SLC12A2: variants seen among roughly 807,000 people sequenced by gnomAD.
The protein encoded by SLC12A2 is Na-K-2Cl cotransporter 1.
In SLC12A2, 67 loss-of-function variants were observed where a neutral mutation model predicts 136.3. That is an observed-to-expected ratio of 0.49 (90% CI 0.40 to 0.60). The LOEUF (loss-of-function observed/expected upper bound fraction) is 0.60. Ranked by LOEUF, SLC12A2 falls within the 20% of genes least tolerant of loss-of-function variation. SLC12A2 has a pLI of 0.00. For missense variants in SLC12A2, 1,322 were observed against 1,534.7 expected (o/e 0.86, Z 2.32); for synonymous variants, 619 against 562.9 (o/e 1.10, Z -1.41).
intron 20 of SLC12A2, among the ~76,000 whole-genome samples, chr5:128,174,981 A>G (rs1763495699): frequency 1.3e-5 from 2 of 152,090 alleles, no homozygotes; most frequent in East Asian, 1.9e-4. Flanking sequence ...TGGAAAGAAC[A>G]TGGTAATTTT....
chr5:128,154,934 A>G (rs909894878), intron 15 of SLC12A2, among the ~76,000 whole-genome samples: 16 of 151,840 alleles, frequency 1.1e-4, no homozygotes, highest in Admixed American at 1.1e-3. Context: ...TCTTTCCTTA[A>G]GAACTTTCAC....
intron 1 of SLC12A2, among the ~76,000 whole-genome samples, chr5:128,106,915 G>A (rs1364618587): frequency 6.6e-6 from 1 of 151,906 alleles, no homozygotes; most frequent in Non-Finnish European, 1.5e-5. Flanking sequence ...AACACAGATG[G>A]GAAGAGAGAT....
chr5:128,117,061 A>T (rs1054699531), intron 4 of SLC12A2, among the ~76,000 whole-genome samples: 16 of 152,300 alleles, frequency 1.1e-4, no homozygotes, highest in Admixed American at 8.5e-4. Context: ...CATTAAAGTG[A>T]CCTATAATAA....
intron 25 of SLC12A2, 68 bp from the exon 26 acceptor site, chr5:128,184,721 A>G (rs761879422): frequency 3.7e-6 from 6 of 1,604,080 alleles, no homozygotes; most frequent in Admixed American, 1.7e-5. Flanking sequence ...GTCTCCTTAT[A>G]GTTTTATGAA....
At chr5:128,124,196 G>A (rs75019353) in intron 4 of SLC12A2, among the ~76,000 whole-genome samples, 3,800 of 152,242 alleles carry the variant, frequency 0.025, 71 homozygotes, top group South Asian at 0.039. Flanking sequence ...ATACTACTAG[G>A]ATCTGTTTCT....
intron 1 of SLC12A2, among the ~76,000 whole-genome samples, chr5:128,108,385 C>G (rs1761024400): frequency 6.6e-6 from 1 of 151,752 alleles, no homozygotes; most frequent in African/African-American, 2.4e-5. Flanking sequence ...TCATAATAGC[C>G]AAAAAGTAGA....
At chr5:128,177,467 T>A (rs1763573181) in intron 21 of SLC12A2, 2 of 196,334 alleles carry the variant, frequency 1.0e-5, no homozygotes, top group Non-Finnish European at 2.1e-5. Flanking sequence ...GAAATAGGTT[T>A]TATTTGCAGT....
At chr5:128,148,901 A>T (rs754695119) in intron 12 of SLC12A2, 24 bp downstream of exon 12, 1 of 1,560,814 alleles carries the variant, frequency 6.4e-7, no homozygotes, top group South Asian at 1.2e-5. Context: ...ATGGTGTGTT[A>T]TTGTAGATTT....
intron 15 of SLC12A2, among the ~76,000 whole-genome samples, chr5:128,154,172 G>A (rs1233113300): frequency 6.6e-6 from 1 of 152,056 alleles, no homozygotes; most frequent in Non-Finnish European, 1.5e-5. Flanking sequence ...ATCACTTTGG[G>A]AGGCTGAGGC....
In SLC12A2 at chr5:128,084,245, G is replaced by T. The variant is rs960187764; in HGVS notation, c.291G>T (p.Ala97=). 8 of 1,222,394 alleles carry T rather than the reference G, an allele frequency of 6.5e-6. No homozygotes were observed. In the South Asian group the frequency reaches 9.4e-5, roughly 14 times the overall value. The allele number at this position is 1,222,394 out of a possible 1,614,324, so 75.7% of individuals were successfully genotyped here. A position where few individuals can be genotyped will look rare whatever the true frequency, so the allele number is the denominator to read the frequency against. The change falls in exon 1 of 27, where the codon GCG becomes GCT. Residue 97 remains alanine (A), a synonymous_variant. Transcript: ENST00000262461. The surrounding 1 kb of genome is among the most constrained non-coding windows in gnomAD (Gnocchi z 5.6). ...ACGCCGGGCGGGCCGCTGCTGCGGC[G>T]GCGGCGGCGGCGGCGGCAGCGGCGG... is the stretch of plus-strand genomic sequence containing the variant. The part of the protein sequence containing the change: ...SENAGRAAAA[A]AAAAAAAAAA...
rs1250039177 is a variant in SLC12A2 at position 128,126,964 on chromosome 5, AT to A, written c.1049-4102del. Among the ~76,000 whole-genome samples the A allele has an allele frequency of 1.4e-4, 3 of 21,684 alleles. 1 individual carries two copies. The highest frequency in any genetic ancestry group is 9.5e-4 in the African/African-American group (3 of 3,170). 14.2% of individuals were successfully genotyped at this position (21,684 alleles called of 152,430 possible). On this transcript the variant is annotated intron_variant, in intron 4 of 26. Coordinates refer to ENST00000262461, the MANE Select transcript of SLC12A2 (RefSeq NM_001046.3). Reference sequence around the variant, plus strand: ...TACATATATATATATATATATATATATATTTTTTTTTTTTTTTTTTTTTGCA... The same window carrying A: ...TACATATATATATATATATATATATAATTTTTTTTTTTTTTTTTTTTTGCA...
intron 20 of SLC12A2, among the ~76,000 whole-genome samples, chr5:128,174,902 T>C (rs1405306823): frequency 6.6e-6 from 1 of 152,104 alleles, no homozygotes; most frequent in East Asian, 1.9e-4. Flanking sequence ...CTAATATGGC[T>C]TCTGTGTTTT....
chr5:128,083,800 T>C lies in SLC12A2; in HGVS notation c.-155T>C, dbSNP rs1403962482. 1.9e-6 allele frequency: 1 copy of C among 514,698 alleles called. No homozygotes were observed. The highest frequency in any genetic ancestry group is 2.0e-5 in the African/African-American group (1 of 50,172). 31.9% of individuals were successfully genotyped at this position (514,698 alleles called of 1,614,324 possible). ...CGCTCGCTCGGCTGCCGGTGGCCTC[T>C]GTGGCCGTCCAGGCTAGCGGCGGCC... On this transcript the variant is annotated 5_prime_UTR_variant, in exon 1 of 27. Transcript: ENST00000262461.
chr5:128,126,967 TTTTTTTTTTTTTTTTTTTTTGC>T (rs1761831575), intron 4 of SLC12A2, among the ~76,000 whole-genome samples: 15 of 29,636 alleles, frequency 5.1e-4, no homozygotes, highest in South Asian at 1.9e-3. Flanking sequence ...TATATATATA[TTTTTTTTTTTTTTTTTTTTTGC>T]ATCTAAAACA....
intron 1 of SLC12A2, among the ~76,000 whole-genome samples, chr5:128,102,201 A>G (rs983375702): frequency 8.5e-5 from 13 of 152,196 alleles, no homozygotes; most frequent in African/African-American, 3.1e-4. Flanking sequence ...ATTTAATGTT[A>G]TTAAAGTATT....
chr5:128,152,285 T>C (rs1762730187), intron 14 of SLC12A2, among the ~76,000 whole-genome samples: 1 of 152,210 alleles, frequency 6.6e-6, no homozygotes, highest in South Asian at 2.1e-4. Context: ...GAAGTCCAAG[T>C]TGTTTATTCA....
At chr5:128,153,774 A>G (rs1762785116) in intron 15 of SLC12A2, among the ~76,000 whole-genome samples, 1 of 152,138 alleles carries the variant, frequency 6.6e-6, no homozygotes, top group Admixed American at 6.6e-5. Flanking sequence ...TCTCTCTCTC[A>G]GTAAGAAAAG....
At position 128,186,482 on chromosome 5, in the gene SLC12A2, CTT is replaced by C; in HGVS notation, c.3504-10_3504-9del. 1 of 1,457,424 alleles carries C rather than the reference CTT, an allele frequency of 6.9e-7. No individual in the cohort carries two copies. The highest frequency in any genetic ancestry group is 1.5e-5 in the South Asian group (1 of 66,912). The allele number at this position is 1,457,424 out of a possible 1,614,324, so 90.3% of individuals were successfully genotyped here. A position where few individuals can be genotyped will look rare whatever the true frequency, so the allele number is the denominator to read the frequency against. The stretch of plus-strand genomic sequence containing the variant: ...CAGGGTTTTTTTTTTTTCTTTTTCT[CTT>C]TTTGATACCAGGAGTCTCCCAGTTG... On this transcript the variant is annotated splice_polypyrimidine_tract_variant and intron_variant, in intron 26 of 26. Coordinates refer to ENST00000262461, the MANE Select transcript of SLC12A2 (RefSeq NM_001046.3).
chr5:128,102,657 G>GGCT (rs1760789053), intron 1 of SLC12A2, among the ~76,000 whole-genome samples: 1 of 119,160 alleles, frequency 8.4e-6, no homozygotes, highest in South Asian at 2.7e-4. Context: ...CTCTTGCCCA[G>GGCT]GCTGGAGTGC....
Sources: gnomAD v4.1 joint callset for allele counts (sites outside exome capture counted in the v4.1 genomes callset) on GRCh38, gnomAD v4.1.1 for gene constraint, Gnocchi (gnomAD v3.1) non-coding constraint, MANE v1.5 for transcripts, NCBI Gene and HGNC (gene_info 2026-07-23, HGNC 2026-07-21) for gene names.